Variants in AGBL2 observed in about 807,000 individuals in gnomAD.
AGBL2 encodes the protein cytosolic carboxypeptidase 2.
AGBL2 carries 87 observed loss-of-function variants against 103.0 expected under a neutral mutation model. The ratio of observed to expected loss-of-function variants is 0.84; its 90% CI spans 0.71 to 1.01. The LOEUF is 1.01. AGBL2 is among the 50% of genes least tolerant of loss of function. AGBL2 has a pLI of 0.00. For synonymous variants in AGBL2, 335 were observed against 356.7 expected (o/e 0.94, Z 0.69); for missense variants, 904 against 1,023.5 (o/e 0.88, Z 1.59).
chr11:47,672,665 T>C (rs1259169352), intron 14 of AGBL2, among the ~76,000 whole-genome samples: 1 of 152,052 alleles, frequency 6.6e-6, no homozygotes, highest in Non-Finnish European at 1.5e-5. Flanking sequence ...GCAGAGGTCT[T>C]GGTGAGTTAG....
At chr11:47,668,351 G>A (rs1245045796) in intron 15 of AGBL2, among the ~76,000 whole-genome samples, 1 of 151,730 alleles carries the variant, frequency 6.6e-6, no homozygotes, top group Non-Finnish European at 1.5e-5. Flanking sequence ...ACAAAAATTA[G>A]CCGGGCGTGG....
rs770136980 is a variant in AGBL2 at position 47,667,671 on chromosome 11, T to C, written c.2240A>G (p.Lys747Arg). The C allele has an allele frequency of 3.7e-6, 6 of 1,612,578 alleles. No homozygotes were observed. In the African/African-American group the frequency reaches 6.7e-5, roughly 18 times the overall value. Residue 747 changes from lysine (K) to arginine (R), a missense_variant, in exon 16 of 19, where the codon AAG (lysine) becomes AGG (arginine). Coordinates refer to ENST00000525123, the MANE Select transcript of AGBL2 (RefSeq NM_024783.4). ...CTGAAGTGACTTCTTTTTTTTCTTC[T>C]TAAACATCTTCTTTTTCTGAGTCAG... ...DELTQKKKMF[K>R]KKKKKSLQTR...
In AGBL2 at chr11:47,682,054, T is replaced by C. The variant is rs1460644729; in HGVS notation, c.1830A>G (p.Lys610=). Reference sequence around the variant, plus strand: ...ACATAACAACTCGTCCTGTTCCTTCTTTGCATTTTTGGACCTTAAAATTAC... The same window carrying C: ...ACATAACAACTCGTCCTGTTCCTTCCTTGCATTTTTGGACCTTAAAATTAC... ...HSCNFKVQKC[K]EGTGRVVMWR... is the part of the protein sequence containing the mutation. The change falls in exon 12 of 19, where the codon AAA becomes AAG. Residue 610 remains lysine, a synonymous_variant. Transcript: ENST00000525123. 1 of 1,614,150 alleles carries C rather than the reference T, an allele frequency of 6.2e-7. No homozygotes were observed. The highest frequency in any genetic ancestry group is 1.1e-5 in the South Asian group (1 of 91,086).
At chr11:47,683,356 AG>A (rs2097409798) in intron 11 of AGBL2, among the ~76,000 whole-genome samples, 2 of 152,184 alleles carry the variant, frequency 1.3e-5, no homozygotes, top group Admixed American at 6.5e-5. Flanking sequence ...TGGGCGACAG[AG>A]CGAGACTCAA....
intron 18 of AGBL2, 74 bp from the exon 19 acceptor site, chr11:47,660,420 T>C (rs2097325077): frequency 1.1e-5 from 16 of 1,447,704 alleles, no homozygotes; most frequent in Non-Finnish European, 1.4e-5. Flanking sequence ...AGGGTTGGGG[T>C]TGGCTTTACA....
chr11:47,699,553 T>G lies in AGBL2; in HGVS notation c.587A>C (p.Glu196Ala). The stretch of plus-strand genomic sequence containing the variant: ...ATATTCTGGTTGAGGTGGAGCCCAC[T>G]CTGAAAGAAGACATTTTAAAAAGTA... ...EVIKENIHHIEWAPPQPEYFY... is the reference protein window; with the variant it reads ...EVIKENIHHIAWAPPQPEYFY... The change falls in exon 8 of 19, where the codon GAG (glutamate) becomes GCG (alanine). Residue 196 changes from glutamate (E) to alanine (A), a missense_variant and splice_region_variant. By Grantham distance (107) the Glu-to-Ala change is moderately radical. Transcript: ENST00000525123. The G allele has an allele frequency of 6.4e-7, 1 of 1,564,166 alleles. No individual in the cohort carries two copies. The highest frequency in any genetic ancestry group is 8.8e-7 in the Non-Finnish European group (1 of 1,142,170).
intron 13 of AGBL2, among the ~76,000 whole-genome samples, chr11:47,678,497 C>A (rs1285380035): frequency 6.7e-6 from 1 of 148,622 alleles, no homozygotes; most frequent in Admixed American, 6.8e-5. Context: ...CCACGCCTGG[C>A]TAAATTTTTG....
chr11:47,675,467 C>T (rs2097371928), intron 14 of AGBL2, among the ~76,000 whole-genome samples: 1 of 146,944 alleles, frequency 6.8e-6, no homozygotes, highest in Admixed American at 7.0e-5. Context: ...TCACAGTAAC[C>T]TCCACCTCTC....
chr11:47,665,925 C>T (rs912751223), intron 17 of AGBL2, among the ~76,000 whole-genome samples: 1 of 152,102 alleles, frequency 6.6e-6, no homozygotes, highest in Non-Finnish European at 1.5e-5. Flanking sequence ...GGGAGAATCA[C>T]TTGAACCCGG....
At chr11:47,706,778 G>A (rs1226092841) in intron 4 of AGBL2, among the ~76,000 whole-genome samples, 1 of 151,250 alleles carries the variant, frequency 6.6e-6, no homozygotes, top group Admixed American at 6.6e-5. Flanking sequence ...GCTGGGTGTG[G>A]TGGCTCACAC....
chr11:47,683,672 T>A (rs2097411385), intron 11 of AGBL2, among the ~76,000 whole-genome samples: 1 of 151,174 alleles, frequency 6.6e-6, no homozygotes, highest in Non-Finnish European at 1.5e-5. Flanking sequence ...CCCAGGAGGC[T>A]GAGGTAGGAG....
intron 17 of AGBL2, among the ~76,000 whole-genome samples, chr11:47,664,882 TTTTTTTTTTTTTAA>T (rs1370441039): frequency 2.2e-5 from 3 of 134,886 alleles, no homozygotes; most frequent in African/African-American, 8.9e-5. Flanking sequence ...CCACCTTTTT[TTTTTTTTTTTTTAA>T]TTTTTAGCAA....
chr11:47,685,202 G>T (rs1299846914), intron 11 of AGBL2, among the ~76,000 whole-genome samples: 1 of 151,324 alleles, frequency 6.6e-6, no homozygotes, highest in South Asian at 2.1e-4. Flanking sequence ...GCGAGACTCC[G>T]TCTCAAAAAA....
chr11:47,660,060 A>G lies in AGBL2; in HGVS notation c.*113T>C, dbSNP rs1169735405. On this transcript the variant is annotated 3_prime_UTR_variant, in exon 19 of 19. Transcript: ENST00000525123. ...TGTAAGGTCAGTGCATGAGTGCACAACACAGTATACCACAAGTAAATGCAG... is the reference window on the plus strand; with the variant it reads ...TGTAAGGTCAGTGCATGAGTGCACAGCACAGTATACCACAAGTAAATGCAG... 1 of 1,229,340 alleles carries G rather than the reference A, an allele frequency of 8.1e-7. No homozygotes were observed. The highest frequency in any genetic ancestry group is 1.1e-6 in the Non-Finnish European group (1 of 883,806). The allele number at this position is 1,229,340 out of a possible 1,614,324, so 76.2% of individuals were successfully genotyped here.
At chr11:47,710,293 A>G (rs952225219) in intron 4 of AGBL2, 84 bp downstream of exon 4, 76 of 1,566,674 alleles carry the variant, frequency 4.9e-5, no homozygotes, top group Non-Finnish European at 6.6e-5. Context: ...GGCCTCTCCC[A>G]TGTTAGAGCA....
chr11:47,664,468 G>C (rs1049536659), intron 17 of AGBL2, among the ~76,000 whole-genome samples: 2 of 150,950 alleles, frequency 1.3e-5, no homozygotes, highest in African/African-American at 2.4e-5. Flanking sequence ...CTGGAGTGCA[G>C]TGGCGTGATC....
At chr11:47,688,354 A>G (rs1276396178) in intron 10 of AGBL2, among the ~76,000 whole-genome samples, 2 of 152,082 alleles carry the variant, frequency 1.3e-5, no homozygotes, top group African/African-American at 4.8e-5. Flanking sequence ...AAAGCTCACC[A>G]TGGTGCAGAC....
chr11:47,712,828 T>A (rs1280130773), intron 3 of AGBL2, among the ~76,000 whole-genome samples: 2 of 152,050 alleles, frequency 1.3e-5, no homozygotes, highest in East Asian at 3.9e-4. Flanking sequence ...TCACCTGAGG[T>A]CAGTTCGAGA....
rs1373153115 is a variant in AGBL2 at position 47,662,400 on chromosome 11, G to A, written c.2535+626C>T. Among the ~76,000 whole-genome samples the A allele has an allele frequency of 2.0e-5, 3 of 150,514 alleles. 1 individual carries two copies. Among genetic ancestry groups the A allele is most frequent in the Admixed American group, 2.0e-4 (3 of 15,054 alleles). On this transcript the variant is annotated intron_variant, in intron 18 of 18. Transcript: ENST00000525123. ...TGTTGGCCAGGCTGGTCTTGAACTG[G>A]AACTCCTAACCTCAGGTGATCCACT... is the stretch of plus-strand genomic sequence containing the variant.
Sources: allele counts gnomAD v4.1 joint callset (sites outside exome capture counted in the v4.1 genomes callset), GRCh38; gene constraint gnomAD v4.1.1; transcripts MANE v1.5; gene names NCBI Gene and HGNC (gene_info 2026-07-23, HGNC 2026-07-21).